The following SLC6A20 variants were observed in gnomAD, a reference collection of about 807,000 sequenced individuals.
SLC6A20 encodes solute carrier family 6 member 20.
Under a neutral mutation model 64.3 loss-of-function variants are expected in SLC6A20, and 73 were observed. The ratio of observed to expected loss-of-function variants is 1.14; its 90% CI spans 0.94 to 1.38. The LOEUF (loss-of-function observed/expected upper bound fraction) is 1.38, where lower values mean the gene tolerates loss of function less well. Ranked by LOEUF, SLC6A20 falls within the 40% of genes most tolerant of loss-of-function variation. The pLI, the probability that SLC6A20 is intolerant of heterozygous loss-of-function variation, is 0.00. For synonymous variants in SLC6A20, 347 were observed against 329.6 expected (o/e 1.05, Z -0.57); for missense variants, 725 against 772.8 (o/e 0.94, Z 0.73).
In SLC6A20 at chr3:45,755,942, A is replaced by G. The variant is rs979408913; in HGVS notation, c.*3036T>C. 2 of 152,302 alleles carry G rather than the reference A, an allele frequency of 1.3e-5. No homozygotes were observed. Among genetic ancestry groups the G allele is most frequent in the African/African-American group, 4.8e-5 (2 of 41,474 alleles). The allele number at this position is 152,302 out of a possible 1,614,324, so 9.4% of individuals were successfully genotyped here. On this transcript the variant is annotated 3_prime_UTR_variant, in exon 11 of 11. Coordinates refer to ENST00000358525, the MANE Select transcript of SLC6A20 (RefSeq NM_020208.4). Reference sequence around the variant, plus strand: ...TGCCTTCAAATTTTTAAGTCATTTTATAAAATGTAAATACTCCTCAATGTA... The same window carrying G: ...TGCCTTCAAATTTTTAAGTCATTTTGTAAAATGTAAATACTCCTCAATGTA...
In SLC6A20 at chr3:45,779,499, A is replaced by T. The variant is rs56118314; in HGVS notation, c.354+510T>A. 1.0e-2 allele frequency among the ~76,000 whole-genome samples: 1,521 copies of T among 152,248 alleles called. 12 individuals carry two copies. The highest frequency in any genetic ancestry group is 0.014 in the Non-Finnish European group (983 of 68,028). On this transcript the variant is annotated intron_variant, in intron 3 of 10. Transcript: ENST00000358525. ...GTTACAGGGTGACAATGGTCCTTCT[A>T]GGAGAACTTAGGGGTCTGCAGGGAA... is the stretch of plus-strand genomic sequence containing the variant.
In SLC6A20 at chr3:45,757,858, A is replaced by G. The variant is rs193211562; in HGVS notation, c.*1120T>C. 7 of 152,012 alleles carry G rather than the reference A, an allele frequency of 4.6e-5. No individual in the cohort carries two copies. Among genetic ancestry groups the G allele is most frequent in the Admixed American group, 4.6e-4 (7 of 15,276 alleles). 9.4% of individuals were successfully genotyped at this position (152,012 alleles called of 1,614,324 possible). ...TGTAAGTGGTATTTGTGGTCTTGATAGAGTTGGCCACGATGTCCAAATGTA... is the reference window on the plus strand; with the variant it reads ...TGTAAGTGGTATTTGTGGTCTTGATGGAGTTGGCCACGATGTCCAAATGTA... On this transcript the variant is annotated 3_prime_UTR_variant, in exon 11 of 11. Transcript: ENST00000358525.
chr3:45,759,854 T>C lies in SLC6A20; in HGVS notation c.1629+3A>G. 1.2e-6 allele frequency: 2 copies of C among 1,611,984 alleles called. No individual in the cohort carries two copies. The highest frequency in any genetic ancestry group is 1.7e-6 in the Non-Finnish European group (2 of 1,179,092). ...GCGCCAGCCCTACGGAGACAGTAGA[T>C]ACCTGGGAGGCGTCCCAGGCTTGAT... On this transcript the variant is annotated splice_donor_region_variant and intron_variant, in intron 10 of 10. Transcript: ENST00000358525.
rs77320414 is a variant in SLC6A20 at position 45,765,284 on chromosome 3, T to C, written c.1303+253A>G. On this transcript the variant is annotated intron_variant, in intron 8 of 10. Coordinates refer to ENST00000358525, the MANE Select transcript of SLC6A20 (RefSeq NM_020208.4). The surrounding 1 kb of genome is among the most constrained non-coding windows in gnomAD (Gnocchi z 4.2). ...AGTTCTCTCCTAGCCTGGAGAACTT[T>C]GAATGTCAGGTTGGGGAGTTGGGTT... Among the ~76,000 whole-genome samples, 527 of 152,242 alleles carry C rather than the reference T, an allele frequency of 3.5e-3. 5 individuals are homozygous for C. Among genetic ancestry groups the C allele is most frequent in the African/African-American group, 0.011 (473 of 41,548 alleles).
At position 45,796,473 on chromosome 3, in the gene SLC6A20, C is replaced by A; in HGVS notation, c.-54G>T. ...GCTCGGGGGTCCGGCACGGCAGTCTCAGTGCGCGGTCGCCAGGCGCGCCGT... is the reference window on the plus strand; with the variant it reads ...GCTCGGGGGTCCGGCACGGCAGTCTAAGTGCGCGGTCGCCAGGCGCGCCGT... On this transcript the variant is annotated 5_prime_UTR_variant, in exon 1 of 11. Coordinates refer to ENST00000358525, the MANE Select transcript of SLC6A20 (RefSeq NM_020208.4). 1 of 1,561,792 alleles carries A rather than the reference C, an allele frequency of 6.4e-7. No individual in the cohort carries two copies. Among genetic ancestry groups the A allele is most frequent in the South Asian group, 1.2e-5 (1 of 85,626 alleles).
chr3:45,758,378 C>A lies in SLC6A20; in HGVS notation c.*600G>T. 8.0e-7 allele frequency: 1 copy of A among 1,256,530 alleles called. No individual in the cohort carries two copies. Among genetic ancestry groups the A allele is most frequent in the Non-Finnish European group, 1.0e-6 (1 of 965,690 alleles). The allele number at this position is 1,256,530 out of a possible 1,614,324, so 77.8% of individuals were successfully genotyped here. A position where few individuals can be genotyped will look rare whatever the true frequency, so the allele number is the denominator to read the frequency against. The stretch of plus-strand genomic sequence containing the variant: ...GTAGAGAGGTCTGGTCCTGGACCCA[C>A]CGTCAGAGACCTTAGAGAAAGGATC... On this transcript the variant is annotated 3_prime_UTR_variant, in exon 11 of 11. Transcript: ENST00000358525.
intron 1 of SLC6A20, among the ~76,000 whole-genome samples, chr3:45,787,991 G>T (rs1700196877): frequency 2.0e-5 from 3 of 152,166 alleles, no homozygotes; most frequent in African/African-American, 7.2e-5. Context: ...TGTTGCCCAG[G>T]CTGGAGTGCA....
Position 45,758,812 on chromosome 3 carries a change from GTTC to G in SLC6A20, c.*163_*165del, listed in dbSNP as rs1699594963. On this transcript the variant is annotated 3_prime_UTR_variant, in exon 11 of 11. Coordinates refer to ENST00000358525, the MANE Select transcript of SLC6A20 (RefSeq NM_020208.4). ...GAACAGCCACCACGGGAGGGTGTGC[GTTC>G]TCCCAAGGGAGTTTTCTTCCTGCAC... is the stretch of plus-strand genomic sequence containing the variant. The G allele has an allele frequency of 7.4e-7, 1 of 1,355,836 alleles. No homozygotes were observed. Among genetic ancestry groups the G allele is most frequent in the African/African-American group, 1.5e-5 (1 of 66,554 alleles). 84.0% of individuals were successfully genotyped at this position (1,355,836 alleles called of 1,614,324 possible). A position where few individuals can be genotyped will look rare whatever the true frequency, so the allele number is the denominator to read the frequency against.
At chr3:45,789,666 T>C (rs1220906848) in intron 1 of SLC6A20, among the ~76,000 whole-genome samples, 1 of 152,192 alleles carries the variant, frequency 6.6e-6, no homozygotes, top group African/African-American at 2.4e-5. Flanking sequence ...ACAGCAAAAA[T>C]GTTAACAGTC....
intron 1 of SLC6A20, among the ~76,000 whole-genome samples, chr3:45,785,962 G>A (rs1021210221): frequency 1.3e-5 from 2 of 152,106 alleles, no homozygotes; most frequent in African/African-American, 2.4e-5. Context: ...GAGAGGCCAC[G>A]AGGAGGAGAA....
chr3:45,794,195 G>A (rs189432192), intron 1 of SLC6A20, among the ~76,000 whole-genome samples: 14 of 152,344 alleles, frequency 9.2e-5, no homozygotes, highest in Non-Finnish European at 1.9e-4. Context: ...CTCAGGTGGA[G>A]GAAATATCTT....
Position 45,758,515 on chromosome 3 carries a change from GA to G in SLC6A20, c.*462del, listed in dbSNP as rs1178662678. The G allele has an allele frequency of 2.5e-5, 30 of 1,181,704 alleles. No individual in the cohort carries two copies. The highest frequency in any genetic ancestry group is 3.2e-5 in the Non-Finnish European group (30 of 937,790). The allele number at this position is 1,181,704 out of a possible 1,614,324, so 73.2% of individuals were successfully genotyped here. A position where few individuals can be genotyped will look rare whatever the true frequency, so the allele number is the denominator to read the frequency against. ...ATATTCACTACAACTCAAAAAAGAAGAGAATTAATTTTGCACCACTGACAAA... is the reference window on the plus strand; with the variant it reads ...ATATTCACTACAACTCAAAAAAGAAGGAATTAATTTTGCACCACTGACAAA... On this transcript the variant is annotated 3_prime_UTR_variant, in exon 11 of 11. Coordinates refer to ENST00000358525, the MANE Select transcript of SLC6A20 (RefSeq NM_020208.4).
rs752671559 is a variant in SLC6A20 at position 45,772,625 on chromosome 3, TCAGAGGG to T, written c.583-17_583-11del. ...CCGTGAAATACACCACCTGCGGGCATCAGAGGGCAGAGTTGGCCTCCCGGAGCAGTGG... is the reference window on the plus strand; with the variant it reads ...CCGTGAAATACACCACCTGCGGGCATCAGAGTTGGCCTCCCGGAGCAGTGG... On this transcript the variant is annotated splice_polypyrimidine_tract_variant and intron_variant, in intron 4 of 10. Coordinates refer to ENST00000358525, the MANE Select transcript of SLC6A20 (RefSeq NM_020208.4). 6.2e-7 allele frequency: 1 copy of T among 1,610,728 alleles called. No individual in the cohort carries two copies. Among genetic ancestry groups the T allele is most frequent in the Admixed American group, 1.7e-5 (1 of 59,704 alleles).
chr3:45,761,611 C>T (rs1352610817), intron 9 of SLC6A20, among the ~76,000 whole-genome samples: 1 of 152,128 alleles, frequency 6.6e-6, no homozygotes, highest in African/African-American at 2.4e-5. Context: ...CTGAAAGTTC[C>T]ACGTCCCAGA....
rs370143293 is a variant in SLC6A20 at position 45,782,276 on chromosome 3, C to G, written c.122-53G>C. ...GCCACCACCAAAAGGCTTTTCTCCA[C>G]GACCACTCAACCTCTGTGCAAACAT... is the stretch of plus-strand genomic sequence containing the variant. On this transcript the variant is annotated intron_variant, in intron 1 of 10. Coordinates refer to ENST00000358525, the MANE Select transcript of SLC6A20 (RefSeq NM_020208.4). The G allele has an allele frequency of 2.2e-5, 35 of 1,571,560 alleles. No individual in the cohort carries two copies. In the East Asian group the frequency reaches 2.3e-4, roughly 10 times the overall value.
rs1436523360 is a variant in SLC6A20, at chr3:45,759,134, G to C, written c.1630-7C>G. On this transcript the variant is annotated splice_polypyrimidine_tract_variant and splice_region_variant and intron_variant, in intron 10 of 10. Coordinates refer to ENST00000358525, the MANE Select transcript of SLC6A20 (RefSeq NM_020208.4). ...CTTTGGTCACGAGCTGGCCCTGAAA[G>C]GAGAGACTGAGTGTCAGCAGAGAGC... 6.2e-7 allele frequency: 1 copy of C among 1,607,110 alleles called. No individual in the cohort carries two copies. The highest frequency in any genetic ancestry group is 8.5e-7 in the Non-Finnish European group (1 of 1,177,266).
Position 45,772,617 on chromosome 3 carries a change from T to G in SLC6A20, c.583-2A>C, listed in dbSNP as rs1241773729. 1 of 1,612,332 alleles carries G rather than the reference T, an allele frequency of 6.2e-7. No homozygotes were observed. Among genetic ancestry groups the G allele is most frequent in the Non-Finnish European group, 8.5e-7 (1 of 1,179,272 alleles). On this transcript the variant is annotated splice_acceptor_variant, in intron 4 of 10. Coordinates refer to ENST00000358525, the MANE Select transcript of SLC6A20 (RefSeq NM_020208.4). LOFTEE classifies it high-confidence loss of function. ...CAGTGACGCCGTGAAATACACCACC[T>G]GCGGGCATCAGAGGGCAGAGTTGGC...
chr3:45,785,613 T>TTC (rs60563353), intron 1 of SLC6A20, among the ~76,000 whole-genome samples: 8,808 of 140,912 alleles, frequency 0.063, 514 homozygotes, highest in East Asian at 0.25. Flanking sequence ...AAACTCCCCT[T>TTC]TCTCTCTCTC....
At chr3:45,773,325 G>C (rs1194265527) in intron 4 of SLC6A20, among the ~76,000 whole-genome samples, 1 of 152,180 alleles carries the variant, frequency 6.6e-6, no homozygotes, top group Non-Finnish European at 1.5e-5. Context: ...TACTTCCTTA[G>C]GCTTTAACAT....
Sources: gnomAD v4.1 joint callset for allele counts (sites outside exome capture counted in the v4.1 genomes callset) on GRCh38, gnomAD v4.1.1 for gene constraint, Gnocchi (gnomAD v3.1) non-coding constraint, MANE v1.5 for transcripts, NCBI Gene and HGNC (gene_info 2026-07-23, HGNC 2026-07-21) for gene names.